Variants in LONRF1 observed in about 807,000 individuals in gnomAD.
The protein encoded by LONRF1 is LON peptidase N-terminal domain and RING finger protein 1.
A neutral mutation model predicts 85.8 loss-of-function variants in LONRF1; 37 were observed. The observed-to-expected ratio is 0.43, with a 90% confidence interval of 0.33 to 0.57. The LOEUF (loss-of-function observed/expected upper bound fraction) is 0.57, where lower values mean the gene tolerates loss of function less well. LONRF1 is among the 20% of genes least tolerant of loss of function. The pLI, the probability that LONRF1 is intolerant of heterozygous loss-of-function variation, is 0.04. For synonymous variants in LONRF1, 517 were observed against 390.1 expected (o/e 1.33, Z -3.83); for missense variants, 1,036 against 978.0 (o/e 1.06, Z -0.79).
intron 1 of LONRF1, 69 bp downstream of exon 1, chr8:12,754,631 C>T (rs1799557135): frequency 1.6e-6 from 2 of 1,253,738 alleles, no homozygotes; most frequent in East Asian, 3.3e-5. Context: ...CAGACAAGCT[C>T]CGGGTCCCCG....
intron 7 of LONRF1, among the ~76,000 whole-genome samples, chr8:12,733,110 C>T (rs922596153): frequency 6.6e-6 from 1 of 152,106 alleles, no homozygotes; most frequent in Non-Finnish European, 1.5e-5. Context: ...ATGTTTCTAA[C>T]AAGTTGTCAG....
chr8:12,755,317 C>A lies in LONRF1; in HGVS notation c.104G>T (p.Gly35Val). 1 of 1,250,020 alleles carries A rather than the reference C, an allele frequency of 8.0e-7. No individual in the cohort carries two copies. The highest frequency in any genetic ancestry group is 2.6e-5 in the South Asian group (1 of 39,068). 77.4% of individuals were successfully genotyped at this position (1,250,020 alleles called of 1,614,324 possible). ...GRFWEVGGGS[G>V]HRLERAAAES... is the part of the protein sequence containing the mutation. ...CGCGGCCGCGCGCTCCAGCCGATGG[C>A]CGCTGCCGCCGCCCACTTCCCAGAA... The change falls in exon 1 of 12, where the codon GGC (glycine) becomes GTC (valine). Residue 35 changes from glycine to valine, a missense_variant. Transcript: ENST00000398246.
At chr8:12,745,389 A>C (rs1799109402) in intron 1 of LONRF1, among the ~76,000 whole-genome samples, 1 of 70,716 alleles carries the variant, frequency 1.4e-5, no homozygotes, top group African/African-American at 4.0e-5. Context: ...CTTTTAAAAA[A>C]AGATTAGGAC....
At chr8:12,723,529 T>C (rs141552573) in intron 11 of LONRF1, among the ~76,000 whole-genome samples, 1 of 152,316 alleles carries the variant, frequency 6.6e-6, no homozygotes, top group East Asian at 1.9e-4. Flanking sequence ...TTTCCTCCTA[T>C]TACACTAGCA....
chr8:12,741,989 G>A (rs1415344637), intron 2 of LONRF1, among the ~76,000 whole-genome samples: 2 of 152,206 alleles, frequency 1.3e-5, no homozygotes, highest in African/African-American at 4.8e-5. Context: ...GAATGAAACA[G>A]ATTCTTAGTA....
chr8:12,739,698 G>A (rs148555803), intron 3 of LONRF1, among the ~76,000 whole-genome samples: 5 of 152,154 alleles, frequency 3.3e-5, no homozygotes, highest in African/African-American at 1.2e-4. Context: ...GCATCTACCT[G>A]ATCCTATTAA....
intron 1 of LONRF1, among the ~76,000 whole-genome samples, chr8:12,751,436 G>C (rs756184909): frequency 1.3e-5 from 2 of 150,208 alleles, no homozygotes; most frequent in Non-Finnish European, 3.0e-5. Flanking sequence ...CTGGAGTAGC[G>C]GGAACTACAG....
At position 12,754,594 on chromosome 8, in the gene LONRF1, G is replaced by A. The variant is rs1016619893; in HGVS notation, c.721+106C>T. On this transcript the variant is annotated intron_variant, in intron 1 of 11. Transcript: ENST00000398246. Reference sequence around the variant, plus strand: ...GACACGCCAGCGGCCCAGCGGCCCCGGGGAAGCAGAGGAGACTCTCGGGGC... The same window carrying A: ...GACACGCCAGCGGCCCAGCGGCCCCAGGGAAGCAGAGGAGACTCTCGGGGC... 3.2e-4 allele frequency: 367 copies of A among 1,156,206 alleles called. 2 individuals carry two copies. The African/African-American group carries it at 5.2e-3, about 16-fold the overall frequency. The allele number at this position is 1,156,206 out of a possible 1,614,324, so 71.6% of individuals were successfully genotyped here. A position where few individuals can be genotyped will look rare whatever the true frequency, so the allele number is the denominator to read the frequency against.
intron 1 of LONRF1, 122 bp from the exon 2 acceptor site, chr8:12,743,404 A>G (rs540513370): frequency 6.0e-6 from 4 of 665,342 alleles, no homozygotes; most frequent in Admixed American, 3.0e-5. Context: ...TCACCAAACT[A>G]AAGTCTATAA....
intron 2 of LONRF1, among the ~76,000 whole-genome samples, chr8:12,741,287 G>A (rs1243367555): frequency 1.3e-5 from 2 of 152,164 alleles, no homozygotes; most frequent in African/African-American, 4.8e-5. Flanking sequence ...GGGAGGCTAA[G>A]GCATGAAAAT....
At chr8:12,743,431 G>C (rs1799019300) in intron 1 of LONRF1, 149 bp from the exon 2 acceptor site, 1 of 573,832 alleles carries the variant, frequency 1.7e-6, no homozygotes, top group Non-Finnish European at 3.1e-6. Flanking sequence ...GGCAGTATAG[G>C]CACAACCCAT....
intron 8 of LONRF1, 25 bp downstream of exon 8, chr8:12,731,711 A>AT (rs745988002): frequency 5.4e-5 from 87 of 1,596,698 alleles, no homozygotes; most frequent in South Asian, 5.2e-4. Context: ...GTAGTTCATA[A>AT]TTTTTTTTAT....
intron 1 of LONRF1, chr8:12,754,451 C>G: frequency 2.8e-6 from 1 of 356,806 alleles, no homozygotes; most frequent in Non-Finnish European, 4.8e-6. Context: ...CCGAGGGAAC[C>G]CCGCGCCGAG....
At chr8:12,751,477 G>C (rs1275131409) in intron 1 of LONRF1, among the ~76,000 whole-genome samples, 1 of 150,746 alleles carries the variant, frequency 6.6e-6, no homozygotes, top group Non-Finnish European at 1.5e-5. Flanking sequence ...GTAATTTTTT[G>C]TATCTCTAGT....
rs1799569277 is a variant in LONRF1 at position 12,754,865 on chromosome 8, T to TGGC, written c.553_555dup (p.Ala185dup). The TGGC allele has an allele frequency of 6.7e-6, 10 of 1,493,130 alleles. No homozygotes were observed. Among genetic ancestry groups the TGGC allele is most frequent in the Non-Finnish European group, 8.9e-6 (10 of 1,126,054 alleles). The allele number at this position is 1,493,130 out of a possible 1,614,324, so 92.5% of individuals were successfully genotyped here. A position where few individuals can be genotyped will look rare whatever the true frequency, so the allele number is the denominator to read the frequency against. Reference sequence around the variant, plus strand: ...CTGGTTCTGAAGTCTGAAGCGGCGATGGCGGCGGCCAGAGGCGGCGGCCGC... The same window carrying TGGC: ...CTGGTTCTGAAGTCTGAAGCGGCGATGGCGGCGGCGGCCAGAGGCGGCGGCCGC... On this transcript the variant is annotated inframe_insertion, in exon 1 of 12. Coordinates refer to ENST00000398246, the MANE Select transcript of LONRF1 (RefSeq NM_152271.5).
intron 8 of LONRF1, among the ~76,000 whole-genome samples, chr8:12,730,463 A>G (rs984941603): frequency 1.3e-5 from 2 of 152,170 alleles, no homozygotes; most frequent in Non-Finnish European, 1.5e-5. Context: ...AAGGTGAAAC[A>G]TGTTTAAAAT....
intron 5 of LONRF1, 49 bp downstream of exon 5, chr8:12,736,851 T>C (rs780246712): frequency 5.1e-6 from 8 of 1,578,694 alleles, no homozygotes; most frequent in Non-Finnish European, 5.2e-6. Context: ...TTAAAGACTA[T>C]TCTGACTAAA....
At chr8:12,726,768 AAAC>A (rs1389282064) in intron 10 of LONRF1, among the ~76,000 whole-genome samples, 1 of 152,238 alleles carries the variant, frequency 6.6e-6, no homozygotes, top group Non-Finnish European at 1.5e-5. Context: ...ACTCATTTAA[AAAC>A]AACAAAGGGA....
At chr8:12,742,591 T>C (rs1798980130) in intron 2 of LONRF1, among the ~76,000 whole-genome samples, 1 of 152,220 alleles carries the variant, frequency 6.6e-6, no homozygotes, top group Non-Finnish European at 1.5e-5. Flanking sequence ...ATCTTCACAA[T>C]ATGGCAAGTT....
Sources: allele counts gnomAD v4.1 joint callset (sites outside exome capture counted in the v4.1 genomes callset), GRCh38; gene constraint gnomAD v4.1.1; transcripts MANE v1.5; gene names NCBI Gene and HGNC (gene_info 2026-07-23, HGNC 2026-07-21).